Variants in COG5 observed in about 807,000 individuals in gnomAD.
COG5 encodes the protein conserved oligomeric Golgi complex subunit 5.
In COG5, 86 loss-of-function variants were observed where a neutral mutation model predicts 110.4. That is an observed-to-expected ratio of 0.78 (90% CI 0.65 to 0.93). COG5 has a LOEUF of 0.93. Ranked by LOEUF, COG5 falls within the 40% of genes least tolerant of loss-of-function variation. COG5 has a pLI of 0.00. For missense variants in COG5, 1,077 were observed against 987.0 expected, an observed-to-expected ratio of 1.09 and a Z score of -1.22; for synonymous variants, 360 against 334.6, an observed-to-expected ratio of 1.08 and a Z score of -0.83.
At chr7:107,560,339 C>A (rs1803677275) in intron 1 of COG5, among the ~76,000 whole-genome samples, 1 of 152,192 alleles carries the variant, frequency 6.6e-6, no homozygotes, top group South Asian at 2.1e-4. Context: ...GAAGGCCCGA[C>A]TAAGACCTGA....
At chr7:107,490,797 T>C (rs1797930187) in intron 6 of COG5, among the ~76,000 whole-genome samples, 1 of 152,176 alleles carries the variant, frequency 6.6e-6, no homozygotes, top group South Asian at 2.1e-4. Flanking sequence ...GCCTATTCTT[T>C]CTTGTCTCTC....
At chr7:107,444,182 A>G (rs1282333402) in intron 6 of COG5, among the ~76,000 whole-genome samples, 6 of 152,318 alleles carry the variant, frequency 3.9e-5, no homozygotes, top group East Asian at 1.9e-4. Context: ...TCTCAGTTCT[A>G]TAAGTCTCTA....
intron 15 of COG5, 54 bp downstream of exon 15, chr7:107,258,219 T>G: frequency 9.4e-7 from 1 of 1,063,288 alleles, no homozygotes; most frequent in South Asian, 1.3e-5. Context: ...CTGTCCAAAT[T>G]TGAGGCAAGA....
intron 6 of COG5, among the ~76,000 whole-genome samples, chr7:107,490,184 C>G (rs1422525426): frequency 6.6e-6 from 1 of 152,040 alleles, no homozygotes; most frequent in Non-Finnish European, 1.5e-5. Flanking sequence ...TACTCTCTTC[C>G]AGTATCGTCC....
At chr7:107,268,397 A>G (rs1227411632) in intron 14 of COG5, among the ~76,000 whole-genome samples, 1 of 152,272 alleles carries the variant, frequency 6.6e-6, no homozygotes, top group Admixed American at 6.5e-5. Context: ...ATTAATGTTT[A>G]TAATGTAAAA....
chr7:107,529,490 TC>T (rs1801019250), intron 5 of COG5, among the ~76,000 whole-genome samples: 1 of 152,078 alleles, frequency 6.6e-6, no homozygotes, highest in Admixed American at 6.5e-5. Flanking sequence ...AGTATGACCT[TC>T]CGGGGGCACT....
chr7:107,206,840 G>A (rs1798820432), intron 21 of COG5, among the ~76,000 whole-genome samples: 1 of 152,294 alleles, frequency 6.6e-6, no homozygotes, highest in South Asian at 2.1e-4. Context: ...TGAAATTAGA[G>A]CAAGATTTTC....
At chr7:107,352,481 A>G (rs1490281038) in intron 10 of COG5, among the ~76,000 whole-genome samples, 1 of 151,798 alleles carries the variant, frequency 6.6e-6, no homozygotes, top group Non-Finnish European at 1.5e-5. Flanking sequence ...TGAAAAAAAA[A>G]ATGGTCCTTT....
chr7:107,323,327 G>A (rs578221057), intron 11 of COG5, among the ~76,000 whole-genome samples: 114 of 152,166 alleles, frequency 7.5e-4, no homozygotes, highest in African/African-American at 2.6e-3. Context: ...TCAGGAGTTC[G>A]AGACCAGCCT....
chr7:107,454,739 C>G (rs1304485184), intron 6 of COG5, among the ~76,000 whole-genome samples: 1 of 152,108 alleles, frequency 6.6e-6, no homozygotes, highest in Non-Finnish European at 1.5e-5. Flanking sequence ...GTTAGGACAG[C>G]AGCTGTGTTG....
At chr7:107,210,055 G>A (rs1222207955) in intron 21 of COG5, 2 of 1,029,706 alleles carry the variant, frequency 1.9e-6, no homozygotes, top group African/African-American at 3.3e-5. Context: ...GCATTCATGG[G>A]GCACTACTGG....
chr7:107,457,504 C>T (rs1352249167), intron 6 of COG5, among the ~76,000 whole-genome samples: 3 of 152,120 alleles, frequency 2.0e-5, no homozygotes, highest in Non-Finnish European at 2.9e-5. Flanking sequence ...TCTCAGCTCA[C>T]TGCAAGCGCC....
intron 14 of COG5, among the ~76,000 whole-genome samples, chr7:107,264,073 A>C (rs748897453): frequency 5.6e-4 from 86 of 152,346 alleles, no homozygotes; most frequent in South Asian, 1.7e-3. Flanking sequence ...TATAAATTAC[A>C]AAAGGGTAAG....
rs1584776075 is a variant in COG5, at chr7:107,401,196, AGAG to A, written c.669+11303_669+11305del. On this transcript the variant is annotated intron_variant, in intron 7 of 21. Transcript: ENST00000297135. The stretch of plus-strand genomic sequence containing the variant: ...AACCCATGATTTTGGGTGTTATGTA[AGAG>A]TTCAAATTAATTTCCATTCAAATTT... Among the ~76,000 whole-genome samples, 13 of 152,292 alleles carry A rather than the reference AGAG, an allele frequency of 8.5e-5. No homozygotes were observed. The East Asian group carries it at 2.3e-3, about 27-fold the overall frequency.
intron 6 of COG5, among the ~76,000 whole-genome samples, chr7:107,449,570 T>G (rs563737637): frequency 2.0e-5 from 3 of 152,206 alleles, no homozygotes; most frequent in Non-Finnish European, 4.4e-5. Flanking sequence ...TTCATAGTTT[T>G]TAATGCAATA....
intron 6 of COG5, among the ~76,000 whole-genome samples, chr7:107,507,326 C>A (rs1313424893): frequency 6.9e-6 from 1 of 145,458 alleles, no homozygotes; most frequent in East Asian, 2.0e-4. Flanking sequence ...GATGGAGTCT[C>A]GCTGTCACCC....
intron 10 of COG5, among the ~76,000 whole-genome samples, chr7:107,349,884 G>T (rs1017570960): frequency 6.6e-6 from 1 of 152,000 alleles, no homozygotes; most frequent in Non-Finnish European, 1.5e-5. Flanking sequence ...TGGAGACAGG[G>T]TTTCACCATG....
intron 6 of COG5, among the ~76,000 whole-genome samples, chr7:107,427,100 T>C (rs1188109718): frequency 6.6e-6 from 1 of 152,166 alleles, no homozygotes; most frequent in Non-Finnish European, 1.5e-5. Flanking sequence ...CAAAAATCAA[T>C]TCCTCTGGTC....
chr7:107,344,921 A>T (rs1469526783), intron 10 of COG5, among the ~76,000 whole-genome samples: 1 of 152,200 alleles, frequency 6.6e-6, no homozygotes, highest in Admixed American at 6.5e-5. Flanking sequence ...GCTAATTAGT[A>T]TAAGAAACCT....
Sources: allele counts gnomAD v4.1 joint callset (sites outside exome capture counted in the v4.1 genomes callset), GRCh38; gene constraint gnomAD v4.1.1; transcripts MANE v1.5; gene names NCBI Gene and HGNC (gene_info 2026-07-23, HGNC 2026-07-21).